The following GRIP1 variants were observed in gnomAD, a reference collection of about 807,000 sequenced individuals.
The protein encoded by GRIP1 is glutamate receptor interacting protein 1.
GRIP1 carries 45 observed loss-of-function variants against 129.9 expected under a neutral mutation model. The ratio of observed to expected loss-of-function variants is 0.35; its 90% CI spans 0.27 to 0.44. The LOEUF (loss-of-function observed/expected upper bound fraction) is 0.44, where lower values mean the gene tolerates loss of function less well. Ranked by LOEUF, GRIP1 falls within the 20% of genes least tolerant of loss-of-function variation. GRIP1 has a pLI of 1.00. For synonymous variants in GRIP1, 530 were observed against 520.8 expected, an observed-to-expected ratio of 1.02 and a Z score of -0.24; for missense variants, 1,196 against 1,396.8, an observed-to-expected ratio of 0.86 and a Z score of 2.29.
At chr12:66,450,059 G>A (rs1041021335) in intron 11 of GRIP1, among the ~76,000 whole-genome samples, 1 of 151,956 alleles carries the variant, frequency 6.6e-6, no homozygotes, top group Admixed American at 6.6e-5. Context: ...CCAGCACTTT[G>A]GGAGGCCGAG....
chr12:66,723,304 CTTTTTTTT>C (rs57938064), intron 1 of GRIP1, among the ~76,000 whole-genome samples: 1,436 of 58,340 alleles, frequency 0.025, 89 homozygotes, highest in East Asian at 0.049. Flanking sequence ...TTCTTTCTTT[CTTTTTTTT>C]TTTTTTTTTT....
chr12:66,670,600 C>T (rs1441942074), intron 1 of GRIP1, among the ~76,000 whole-genome samples: 1 of 152,162 alleles, frequency 6.6e-6, no homozygotes, highest in Non-Finnish European at 1.5e-5. Flanking sequence ...AAAACTCTCA[C>T]CAAAATGTAT....
intron 23 of GRIP1, among the ~76,000 whole-genome samples, chr12:66,365,360 C>T (rs1440885103): frequency 6.6e-6 from 1 of 152,184 alleles, no homozygotes; most frequent in Non-Finnish European, 1.5e-5. Flanking sequence ...TTGCTTGAAC[C>T]TGGGAGGCGG....
At chr12:66,646,270 G>T (rs2032356134) in intron 1 of GRIP1, among the ~76,000 whole-genome samples, 1 of 152,162 alleles carries the variant, frequency 6.6e-6, no homozygotes, top group South Asian at 2.1e-4. Context: ...AATGTTCATT[G>T]ATTGATAGAT....
At chr12:66,885,850 T>C (rs2040557629) in intron 1 of GRIP1, among the ~76,000 whole-genome samples, 2 of 152,134 alleles carry the variant, frequency 1.3e-5, no homozygotes, top group African/African-American at 2.4e-5. Flanking sequence ...ATGGGCAAAT[T>C]ACAAGGAAAT....
At chr12:66,842,922 C>T (rs2039747266) in intron 1 of GRIP1, among the ~76,000 whole-genome samples, 1 of 152,096 alleles carries the variant, frequency 6.6e-6, no homozygotes, top group African/African-American at 2.4e-5. Flanking sequence ...AAGGTATAGT[C>T]TGTAGGACCC....
intron 1 of GRIP1, among the ~76,000 whole-genome samples, chr12:66,991,267 C>T (rs184216443): frequency 3.2e-4 from 49 of 151,676 alleles, no homozygotes; most frequent in African/African-American, 1.1e-3. Context: ...AGCAAGACTC[C>T]GTCTCAAAAA....
At chr12:66,888,537 A>T (rs1037226139) in intron 1 of GRIP1, among the ~76,000 whole-genome samples, 7 of 152,048 alleles carry the variant, frequency 4.6e-5, no homozygotes, top group African/African-American at 1.7e-4. Context: ...TTTTCACATT[A>T]TTTTTAGTAG....
At chr12:66,439,857 T>G (rs1405176841) in intron 13 of GRIP1, among the ~76,000 whole-genome samples, 2 of 152,174 alleles carry the variant, frequency 1.3e-5, no homozygotes, top group Non-Finnish European at 2.9e-5. Flanking sequence ...ATCTAATCCT[T>G]CATTTTCTCT....
chr12:66,515,785 T>C (rs145786130), intron 6 of GRIP1, 21 bp from the exon 7 acceptor site: 1 of 1,609,266 alleles, frequency 6.2e-7, no homozygotes, highest in Non-Finnish European at 8.5e-7. Flanking sequence ...AATAAAGGAA[T>C]AGTCTTGATT....
At chr12:66,685,085 C>T (rs1188402534) in intron 1 of GRIP1, among the ~76,000 whole-genome samples, 3 of 152,088 alleles carry the variant, frequency 2.0e-5, no homozygotes, top group African/African-American at 7.2e-5. Context: ...ACCTGACTGC[C>T]AGCATCCTAG....
intron 1 of GRIP1, chr12:67,035,379 A>C (rs2043080322): frequency 6.6e-6 from 1 of 152,196 alleles, no homozygotes; most frequent in Non-Finnish European, 1.5e-5. Context: ...TTAGGGAACA[A>C]AGTCTGAATC....
At chr12:66,555,302 G>T (rs1565857424) in intron 2 of GRIP1, among the ~76,000 whole-genome samples, 1 of 152,160 alleles carries the variant, frequency 6.6e-6, no homozygotes, top group African/African-American at 2.4e-5. Context: ...AAACCACCAA[G>T]ATGATGCCTC....
intron 22 of GRIP1, among the ~76,000 whole-genome samples, chr12:66,375,495 A>C (rs1179976989): frequency 6.6e-6 from 1 of 152,212 alleles, no homozygotes; most frequent in African/African-American, 2.4e-5. Flanking sequence ...CAATCAAGGG[A>C]ATGGGGTTCA....
rs539805214 is a variant in GRIP1, at chr12:66,374,677, G to T, written c.2778+2340C>A. ...AGTAAAACAATCACTACAACTGAGA[G>T]ACCACAGTTTTGCTTTGATGAGTCT... On this transcript the variant is annotated intron_variant, in intron 22 of 24. Coordinates refer to ENST00000359742, the MANE Select transcript of GRIP1 (RefSeq NM_001366722.1). Among the ~76,000 whole-genome samples the T allele has an allele frequency of 4.6e-5, 7 of 152,302 alleles. No individual in the cohort carries two copies. In the East Asian group the frequency reaches 1.4e-3, roughly 29 times the overall value.
At chr12:66,594,795 C>T (rs2063984269) in intron 2 of GRIP1, among the ~76,000 whole-genome samples, 1 of 152,176 alleles carries the variant, frequency 6.6e-6, no homozygotes, top group South Asian at 2.1e-4. Flanking sequence ...TTGCTCAAGA[C>T]TTCTGGATGT....
At chr12:66,815,856 C>CTTTCTTTCTTTCTT (rs11458006) in intron 1 of GRIP1, among the ~76,000 whole-genome samples, 1,738 of 133,992 alleles carry the variant, frequency 0.013, 5 homozygotes, top group Non-Finnish European at 0.017. Context: ...TTCTTTCTTT[C>CTTTCTTTCTTTCTT]TCTCTCTCTC....
chr12:66,370,382 A>C (rs1452021858), intron 23 of GRIP1, among the ~76,000 whole-genome samples: 1 of 152,222 alleles, frequency 6.6e-6, no homozygotes, highest in African/African-American at 2.4e-5. Context: ...GAGTGGTGAA[A>C]GAATGAACCC....
At chr12:66,837,409 C>T (rs17827355) in intron 1 of GRIP1, among the ~76,000 whole-genome samples, 24,575 of 152,038 alleles carry the variant, frequency 0.16, 2,139 homozygotes, top group East Asian at 0.37. Flanking sequence ...TCTCAGGAAA[C>T]CATTGATGTG....
Sources: allele counts gnomAD v4.1 joint callset (sites outside exome capture counted in the v4.1 genomes callset), GRCh38; gene constraint gnomAD v4.1.1; transcripts MANE v1.5; gene names NCBI Gene and HGNC (gene_info 2026-07-23, HGNC 2026-07-21).